SAG: variants seen among roughly 807,000 people sequenced by gnomAD.
The protein encoded by SAG is S-arrestin.
A neutral mutation model predicts 55.0 loss-of-function variants in SAG; 45 were observed. The ratio of observed to expected loss-of-function variants is 0.82; its 90% CI spans 0.64 to 1.05. SAG has a LOEUF of 1.05. Ranked by LOEUF, SAG falls within the 50% of genes least tolerant of loss-of-function variation. The probability of loss-of-function intolerance (pLI) is 0.00; values close to 1 mark genes in which losing one functional copy is unlikely to be tolerated. For synonymous variants in SAG, 189 were observed against 197.4 expected (o/e 0.96, Z 0.36); for missense variants, 455 against 512.1 (o/e 0.89, Z 1.08).
intron 6 of SAG, among the ~76,000 whole-genome samples, chr2:233,326,637 G>GGCC (rs1300862950): frequency 2.0e-5 from 3 of 151,876 alleles, no homozygotes; most frequent in Non-Finnish European, 4.4e-5. Context: ...CTTGCTGCCT[G>GGCC]GCCACATGAG....
At chr2:233,326,574 A>C (rs1455324511) in intron 6 of SAG, among the ~76,000 whole-genome samples, 4 of 150,622 alleles carry the variant, frequency 2.7e-5, no homozygotes, top group Non-Finnish European at 5.9e-5. Context: ...CAACAGAGCA[A>C]GACTCCATCT....
intron 14 of SAG, chr2:233,342,746 C>T (rs964274021): frequency 1.2e-5 from 2 of 170,630 alleles, no homozygotes; most frequent in Non-Finnish European, 2.5e-5. Context: ...CATTAACAGA[C>T]ATTTAAAAGA....
At chr2:233,341,812 C>T (rs1391581316) in intron 13 of SAG, among the ~76,000 whole-genome samples, 4 of 152,044 alleles carry the variant, frequency 2.6e-5, no homozygotes, top group African/African-American at 7.2e-5. Context: ...TTAATGCCAC[C>T]GAATTGTGCA....
chr2:233,326,821 G>T (rs1700573093), intron 6 of SAG, among the ~76,000 whole-genome samples: 1 of 152,150 alleles, frequency 6.6e-6, no homozygotes, highest in African/African-American at 2.4e-5. Flanking sequence ...TGTGCAAGGT[G>T]GCAGGAGGCA....
chr2:233,323,509 G>T (rs955051461), intron 6 of SAG, among the ~76,000 whole-genome samples: 2 of 151,896 alleles, frequency 1.3e-5, no homozygotes, highest in African/African-American at 4.8e-5. Flanking sequence ...GATTACAGGC[G>T]TGGGTCACCA....
In SAG at chr2:233,334,812, G is replaced by A. The variant is rs2304771; in HGVS notation, c.807-150G>A. 2,361 of 809,158 alleles carry A rather than the reference G, an allele frequency of 2.9e-3. 34 individuals carry two copies. The East Asian group carries it at 0.035, about 12-fold the overall frequency. The allele number at this position is 809,158 out of a possible 1,614,324, so 50.1% of individuals were successfully genotyped here. On this transcript the variant is annotated intron_variant, in intron 10 of 15. Transcript: ENST00000409110. ...TTTCACAAGCACTGTTCTGCTTCTC[G>A]TAAGTCAAGTTCCCAGGCTCTTGAA...
At chr2:233,316,629 T>C (rs568320518) in intron 3 of SAG, among the ~76,000 whole-genome samples, 2 of 151,106 alleles carry the variant, frequency 1.3e-5, no homozygotes, top group African/African-American at 4.9e-5. Context: ...TTTTAAAGAG[T>C]GTGAAGAGAC....
chr2:233,316,024 C>A, intron 2 of SAG, 51 bp from the exon 3 acceptor site: 1 of 1,111,598 alleles, frequency 9.0e-7, no homozygotes, highest in Non-Finnish European at 1.3e-6. Context: ...ATCATGGATG[C>A]CTTAGCTTAG....
At chr2:233,320,384 A>G (rs1001799722) in intron 4 of SAG, among the ~76,000 whole-genome samples, 1 of 152,200 alleles carries the variant, frequency 6.6e-6, no homozygotes, top group African/African-American at 2.4e-5. Context: ...GATTTCTACC[A>G]TTCTGGCAAC....
At chr2:233,328,444 C>A (rs776869059) in intron 7 of SAG, 34 bp from the exon 8 acceptor site, 2 of 1,603,056 alleles carry the variant, frequency 1.2e-6, no homozygotes, top group Admixed American at 3.4e-5. Context: ...GCCTGGGTGC[C>A]AATCCCTGGC....
At chr2:233,329,444 C>T in intron 8 of SAG, 49 bp from the exon 9 acceptor site, 1 of 1,130,158 alleles carries the variant, frequency 8.8e-7, no homozygotes, top group Non-Finnish European at 1.3e-6. Context: ...AGATTAAAGA[C>T]ACCGCCACAT....
At chr2:233,324,648 G>C (rs766151669) in intron 6 of SAG, among the ~76,000 whole-genome samples, 1 of 152,166 alleles carries the variant, frequency 6.6e-6, no homozygotes, top group Non-Finnish European at 1.5e-5. Context: ...AGAGGAGTGA[G>C]TCAGGTGGAC....
At chr2:233,346,541 T>C (rs1701257720) in intron 15 of SAG, 129 bp downstream of exon 15, 1 of 1,026,534 alleles carries the variant, frequency 9.7e-7, no homozygotes, top group East Asian at 2.4e-5. Context: ...GCACATCCGC[T>C]ACTTCCCGTC....
At chr2:233,323,221 G>C (rs911490764) in intron 6 of SAG, among the ~76,000 whole-genome samples, 2 of 152,182 alleles carry the variant, frequency 1.3e-5, no homozygotes, top group African/African-American at 4.8e-5. Context: ...ACCATGCCCA[G>C]CTAATTTTTG....
chr2:233,328,748 A>T lies in SAG; in HGVS notation c.648+135A>T, dbSNP rs1473961131. 18 of 927,944 alleles carry T rather than the reference A, an allele frequency of 1.9e-5. No individual in the cohort carries two copies. The African/African-American group carries it at 2.5e-4, about 13-fold the overall frequency. The allele number at this position is 927,944 out of a possible 1,614,324, so 57.5% of individuals were successfully genotyped here. A position where few individuals can be genotyped will look rare whatever the true frequency, so the allele number is the denominator to read the frequency against. Reference sequence around the variant, plus strand: ...AGCTTGTTTCTAGGATAAAGCACCAACATGCGTAAGTGACTGGCCTGTTTT... The same window carrying T: ...AGCTTGTTTCTAGGATAAAGCACCATCATGCGTAAGTGACTGGCCTGTTTT... On this transcript the variant is annotated intron_variant, in intron 8 of 15. Transcript: ENST00000409110.
At chr2:233,318,401 T>C (rs1372097) in intron 3 of SAG, among the ~76,000 whole-genome samples, 1 of 151,638 alleles carries the variant, frequency 6.6e-6, no homozygotes, top group African/African-American at 2.4e-5. Context: ...TAATTTTTTT[T>C]AAAAACTTTT....
intron 3 of SAG, among the ~76,000 whole-genome samples, chr2:233,317,096 A>G (rs1283862051): frequency 2.0e-5 from 3 of 152,178 alleles, no homozygotes; most frequent in African/African-American, 7.2e-5. Flanking sequence ...TCCTGAGCTC[A>G]AGTGATCTGC....
intron 11 of SAG, among the ~76,000 whole-genome samples, chr2:233,337,883 G>A (rs901954066): frequency 9.2e-5 from 14 of 152,230 alleles, no homozygotes; most frequent in African/African-American, 3.1e-4. Flanking sequence ...CACGCGATAA[G>A]CATCTGTGAT....
intron 9 of SAG, among the ~76,000 whole-genome samples, chr2:233,330,471 CCCTCCCTT>C (rs1393796971): frequency 0.18 from 20,237 of 110,180 alleles, 2,230 homozygotes; most frequent in Middle Eastern, 0.26. Flanking sequence ...ACTTTTCCCT[CCCTCCCTT>C]CCTTCCTTCC....
Sources: allele counts gnomAD v4.1 joint callset (sites outside exome capture counted in the v4.1 genomes callset), GRCh38; gene constraint gnomAD v4.1.1; transcripts MANE v1.5; gene names NCBI Gene and HGNC (gene_info 2026-07-23, HGNC 2026-07-21).